SULF2: variants seen among roughly 807,000 people sequenced by gnomAD.
SULF2 encodes sulfatase 2, also known as extracellular sulfatase Sulf-2.
In SULF2, 52 loss-of-function variants were observed where a neutral mutation model predicts 107.7. The observed-to-expected ratio is 0.48, with a 90% confidence interval of 0.39 to 0.61. The LOEUF (loss-of-function observed/expected upper bound fraction) is 0.61, where lower values mean the gene tolerates loss of function less well. Ranked by LOEUF, SULF2 falls within the 20% of genes least tolerant of loss-of-function variation. The pLI is 0.00. For missense variants in SULF2, 993 were observed against 1,177.3 expected, an observed-to-expected ratio of 0.84 and a Z score of 2.29; for synonymous variants, 460 against 464.3, an observed-to-expected ratio of 0.99 and a Z score of 0.12.
intron 4 of SULF2, 79 bp from the exon 5 acceptor site, chr20:47,690,374 G>C (rs1402027207): frequency 4.2e-6 from 5 of 1,178,916 alleles, no homozygotes; most frequent in Non-Finnish European, 5.6e-6. Context: ...CAGGCACCCT[G>C]CTAGGCACTG....
intron 2 of SULF2, among the ~76,000 whole-genome samples, chr20:47,740,565 T>C (rs571334128): frequency 2.7e-4 from 41 of 152,268 alleles, no homozygotes; most frequent in Admixed American, 8.5e-4. Flanking sequence ...TTGCCTTAGA[T>C]TAATTGCGTG....
chr20:47,705,948 A>C (rs1260969682), intron 3 of SULF2, among the ~76,000 whole-genome samples: 1 of 151,732 alleles, frequency 6.6e-6, no homozygotes, highest in Non-Finnish European at 1.5e-5. Context: ...ACAAGCGTGC[A>C]CCATGATGCC....
intron 5 of SULF2, among the ~76,000 whole-genome samples, chr20:47,687,077 C>T (rs1371233098): frequency 3.3e-5 from 5 of 152,190 alleles, no homozygotes; most frequent in Non-Finnish European, 7.3e-5. Context: ...CCCAAGGGCC[C>T]GGATTCCAGG....
chr20:47,676,977 T>A, intron 9 of SULF2, 101 bp downstream of exon 9: 1 of 1,311,944 alleles, frequency 7.6e-7, no homozygotes, highest in Non-Finnish European at 1.1e-6. Context: ...TTCAGAGCCA[T>A]GGGCAGCTCC....
At position 47,663,047 on chromosome 20, in the gene SULF2, C is replaced by T. The variant is rs188924436; in HGVS notation, c.2370+23G>A. 8.2e-3 allele frequency: 13,160 copies of T among 1,613,918 alleles called. 148 individuals are homozygous for T. Among genetic ancestry groups the T allele is most frequent in the South Asian group, 0.041 (3,698 of 91,064 alleles). On this transcript the variant is annotated intron_variant, in intron 17 of 20. Coordinates refer to ENST00000688720, the MANE Select transcript of SULF2 (RefSeq NM_001387048.1). ...CACTGGTGTACCCCACACCCCCATCCCTCTAGCTCGGGTTGCCTGTACCTG... is the reference window on the plus strand; with the variant it reads ...CACTGGTGTACCCCACACCCCCATCTCTCTAGCTCGGGTTGCCTGTACCTG...
chr20:47,678,460 C>A lies in SULF2; in HGVS notation c.1193+216G>T. 1.6e-6 allele frequency: 1 copy of A among 619,292 alleles called. No individual in the cohort carries two copies. The highest frequency in any genetic ancestry group is 2.9e-6 in the Non-Finnish European group (1 of 349,948). The allele number at this position is 619,292 out of a possible 1,614,324, so 38.4% of individuals were successfully genotyped here. A position where few individuals can be genotyped will look rare whatever the true frequency, so the allele number is the denominator to read the frequency against. On this transcript the variant is annotated intron_variant, in intron 8 of 20. Coordinates refer to ENST00000688720, the MANE Select transcript of SULF2 (RefSeq NM_001387048.1). This position sits in a 1 kb window ranked among gnomAD's most constrained non-coding sequence, Gnocchi z 4.5. Reference sequence around the variant, plus strand: ...ATTTTAGCTCAGAGAAGGTCCCCAACTGGTCACCTTGGCCACATTCCAGAT... The same window carrying A: ...ATTTTAGCTCAGAGAAGGTCCCCAAATGGTCACCTTGGCCACATTCCAGAT...
intron 7 of SULF2, among the ~76,000 whole-genome samples, chr20:47,681,196 G>A (rs2087812824): frequency 6.6e-6 from 1 of 152,216 alleles, no homozygotes; most frequent in South Asian, 2.1e-4. Context: ...TTGTAAGACT[G>A]CTGGATCCAG....
chr20:47,760,280 T>C (rs2090389955), intron 1 of SULF2, among the ~76,000 whole-genome samples: 1 of 152,202 alleles, frequency 6.6e-6, no homozygotes, highest in African/African-American at 2.4e-5. Flanking sequence ...GGCACGTCCC[T>C]GCTCTCTGGC....
chr20:47,710,741 T>C (rs1349848675), intron 3 of SULF2, among the ~76,000 whole-genome samples: 1 of 152,162 alleles, frequency 6.6e-6, no homozygotes, highest in African/African-American at 2.4e-5. Flanking sequence ...CCCTGCCCCC[T>C]TGGAGAGGAT....
At position 47,690,164 on chromosome 20, in the gene SULF2, TG is replaced by T; in HGVS notation, c.698del (p.Pro233HisfsTer36). ...CGTTTGGGAAGAGGCGTGAATATTG[TG>T]GGGCTGAATCCTCAGGGCCGTGGGG... is the stretch of plus-strand genomic sequence containing the variant. ...AAPHGPEDSA[P>X]QYSRLFPNAS... On this transcript the variant is annotated frameshift_variant, in exon 5 of 21. Coordinates refer to ENST00000688720, the MANE Select transcript of SULF2 (RefSeq NM_001387048.1). LOFTEE classifies it high-confidence loss of function. The T allele has an allele frequency of 6.5e-7, 1 of 1,545,968 alleles. No homozygotes were observed. The highest frequency in any genetic ancestry group is 8.8e-7 in the Non-Finnish European group (1 of 1,141,984).
chr20:47,709,379 A>G (rs763387897), intron 3 of SULF2, among the ~76,000 whole-genome samples: 5 of 152,242 alleles, frequency 3.3e-5, no homozygotes, highest in Non-Finnish European at 5.9e-5. Flanking sequence ...CAGGGCTGGC[A>G]TCTGCTGAAA....
At chr20:47,746,982 TAAAAAAA>T (rs61191776) in intron 2 of SULF2, among the ~76,000 whole-genome samples, 2 of 121,144 alleles carry the variant, frequency 1.7e-5, no homozygotes, top group Non-Finnish European at 3.3e-5. Flanking sequence ...CTTAAATAAA[TAAAAAAA>T]AAAAAATATA....
At chr20:47,682,223 C>T (rs192149673) in intron 7 of SULF2, among the ~76,000 whole-genome samples, 1 of 152,382 alleles carries the variant, frequency 6.6e-6, no homozygotes, top group Non-Finnish European at 1.5e-5. Context: ...TGGAATTCCA[C>T]ACTGCACTGT....
At chr20:47,704,481 C>T (rs1396679174) in intron 3 of SULF2, among the ~76,000 whole-genome samples, 1 of 152,172 alleles carries the variant, frequency 6.6e-6, no homozygotes, top group Non-Finnish European at 1.5e-5. Flanking sequence ...CCATGCTGCA[C>T]AGGCTGTTCT....
At chr20:47,785,548 C>CGCCCCCGGCCCCCG (rs528836686), upstream of SULF2, 4 of 146,510 alleles carry the variant, frequency 2.7e-5, no homozygotes, top group South Asian at 7.2e-4. Flanking sequence ...CCGCCGCCAC[C>CGCCCCCGGCCCCCG]GCCCCCGGCC....
chr20:47,764,483 A>G (rs899960883), intron 1 of SULF2, among the ~76,000 whole-genome samples: 2 of 152,210 alleles, frequency 1.3e-5, no homozygotes, highest in Admixed American at 6.5e-5. Context: ...AGGGCAGCGC[A>G]TGTGAGCCAG....
chr20:47,695,623 T>C (rs550118211), intron 4 of SULF2, among the ~76,000 whole-genome samples: 48 of 152,332 alleles, frequency 3.2e-4, no homozygotes, highest in Non-Finnish European at 5.4e-4. Flanking sequence ...TTCCTTATTT[T>C]ATTATTTTGA....
chr20:47,731,187 C>CTCT lies in SULF2; in HGVS notation c.415+5515_415+5516insAGA, dbSNP rs1186229502. ...TGCCTGCTACTCACCTGTATCTTCT[C>CTCT]TTTTTTTTTTTTTTTTTTTTTTTGA... On this transcript the variant is annotated intron_variant, in intron 3 of 20. Transcript: ENST00000688720. Among the ~76,000 whole-genome samples, 27 of 81,170 alleles carry CTCT rather than the reference C, an allele frequency of 3.3e-4. 1 individual carries two copies. Among genetic ancestry groups the CTCT allele is most frequent in the African/African-American group, 1.4e-3 (23 of 16,076 alleles). The allele number at this position is 81,170 out of a possible 152,430, so 53.3% of individuals were successfully genotyped here.
intron 1 of SULF2, among the ~76,000 whole-genome samples, chr20:47,770,537 T>C (rs1331499246): frequency 2.6e-5 from 4 of 152,174 alleles, no homozygotes; most frequent in African/African-American, 9.7e-5. Flanking sequence ...GTGGGAAGAC[T>C]GGAATTGGCT....
Sources: allele counts gnomAD v4.1 joint callset (sites outside exome capture counted in the v4.1 genomes callset), GRCh38; gene constraint gnomAD v4.1.1; non-coding constraint Gnocchi (gnomAD v3.1); transcripts MANE v1.5; gene names NCBI Gene and HGNC (gene_info 2026-07-23, HGNC 2026-07-21).